The following DPP10 variants were observed in gnomAD, a reference collection of about 807,000 sequenced individuals.
The protein encoded by DPP10 is inactive dipeptidyl peptidase 10.
DPP10 carries 33 observed loss-of-function variants against 120.9 expected under a neutral mutation model. The ratio of observed to expected loss-of-function variants is 0.27; its 90% CI spans 0.21 to 0.37. The LOEUF is 0.37. DPP10 is among the 10% of genes least tolerant of loss of function. The pLI, the probability that DPP10 is intolerant of heterozygous loss-of-function variation, is 1.00. For synonymous variants in DPP10, 337 were observed against 326.1 expected, an observed-to-expected ratio of 1.03 and a Z score of -0.36; for missense variants, 816 against 942.8, an observed-to-expected ratio of 0.87 and a Z score of 1.76.
intron 1 of DPP10, among the ~76,000 whole-genome samples, chr2:115,136,602 TA>T (rs1391212689): frequency 6.6e-6 from 1 of 151,898 alleles, no homozygotes; most frequent in Non-Finnish European, 1.5e-5. Context: ...GCCCAGGGAT[TA>T]AAAGGGGAAA....
chr2:115,241,457 C>A (rs924768248), intron 1 of DPP10, among the ~76,000 whole-genome samples: 3 of 152,148 alleles, frequency 2.0e-5, no homozygotes, highest in Admixed American at 6.5e-5. Flanking sequence ...TTCTCAGATT[C>A]TAATCTGGTA....
At chr2:114,953,650 T>C (rs994394228) in intron 1 of DPP10, among the ~76,000 whole-genome samples, 7 of 152,198 alleles carry the variant, frequency 4.6e-5, no homozygotes, top group African/African-American at 1.4e-4. Context: ...GCATGTCATA[T>C]GTAATTGAAT....
intron 3 of DPP10, among the ~76,000 whole-genome samples, chr2:115,488,624 G>C (rs1280042790): frequency 4.3e-5 from 3 of 70,240 alleles, no homozygotes; most frequent in Non-Finnish European, 8.3e-5. Flanking sequence ...GTAAACTATC[G>C]CAAGAACAAA....
chr2:115,463,577 C>A (rs2074120547), intron 3 of DPP10, among the ~76,000 whole-genome samples: 1 of 152,184 alleles, frequency 6.6e-6, no homozygotes, highest in Non-Finnish European at 1.5e-5. Context: ...TCCTTCACCT[C>A]AAATACACAA....
At chr2:114,695,161 A>G (rs1168967425) in intron 1 of DPP10, among the ~76,000 whole-genome samples, 1 of 152,004 alleles carries the variant, frequency 6.6e-6, no homozygotes, top group African/African-American at 2.4e-5. Flanking sequence ...AGGATCAAAG[A>G]CAAAGAGGGC....
chr2:115,765,050 T>G (rs1680552345), intron 12 of DPP10, among the ~76,000 whole-genome samples: 1 of 152,114 alleles, frequency 6.6e-6, no homozygotes, highest in African/African-American at 2.4e-5. Flanking sequence ...AAACACTGAC[T>G]TGTATAATGT....
At chr2:115,709,021 C>CAAAACCTT (rs2092227358) in intron 7 of DPP10, among the ~76,000 whole-genome samples, 1 of 152,042 alleles carries the variant, frequency 6.6e-6, no homozygotes, top group African/African-American at 2.4e-5. Flanking sequence ...TAAACTCTGA[C>CAAAACCTT]AAAACCTTAA....
chr2:115,542,124 G>C (rs2079207069), intron 5 of DPP10, among the ~76,000 whole-genome samples: 1 of 151,820 alleles, frequency 6.6e-6, no homozygotes, highest in South Asian at 2.1e-4. Flanking sequence ...ATGCCTTTGT[G>C]TGTGATTCTA....
At chr2:115,030,972 G>A (rs533178994) in intron 1 of DPP10, among the ~76,000 whole-genome samples, 1 of 152,286 alleles carries the variant, frequency 6.6e-6, no homozygotes, top group South Asian at 2.1e-4. Flanking sequence ...ATTTTAGGAT[G>A]TAGCCACACA....
intron 1 of DPP10, among the ~76,000 whole-genome samples, chr2:114,590,575 G>A (rs572620886): frequency 2.6e-5 from 4 of 152,270 alleles, no homozygotes; most frequent in Non-Finnish European, 4.4e-5. Context: ...CAGTAATCAA[G>A]TTCTGCTTTG....
chr2:115,332,403 G>A (rs1007693156), intron 2 of DPP10, among the ~76,000 whole-genome samples: 6 of 151,984 alleles, frequency 3.9e-5, no homozygotes, highest in African/African-American at 1.2e-4. Context: ...TTTTTGAAGG[G>A]TTTTTTATAT....
At chr2:114,693,621 G>A (rs1699898965) in intron 1 of DPP10, among the ~76,000 whole-genome samples, 1 of 151,854 alleles carries the variant, frequency 6.6e-6, no homozygotes, top group Admixed American at 6.6e-5. Context: ...TTAAATGTTG[G>A]CCTGTCTTGC....
intron 1 of DPP10, among the ~76,000 whole-genome samples, chr2:114,816,478 C>A (rs1244628411): frequency 6.6e-6 from 1 of 152,190 alleles, no homozygotes; most frequent in Non-Finnish European, 1.5e-5. Flanking sequence ...TTCATAATGG[C>A]TTTTCTGATC....
At chr2:115,415,839 T>TA (rs1553592773) in intron 3 of DPP10, among the ~76,000 whole-genome samples, 14 of 43,528 alleles carry the variant, frequency 3.2e-4, no homozygotes, top group Admixed American at 2.6e-3. Context: ...CCTGATTTGC[T>TA]TTTATATATA....
intron 2 of DPP10, among the ~76,000 whole-genome samples, chr2:115,340,519 AT>A (rs1305912267): frequency 1.3e-5 from 2 of 151,936 alleles, no homozygotes; most frequent in African/African-American, 2.4e-5. Flanking sequence ...TTTTAATAAA[AT>A]TTCTATTTGA....
intron 1 of DPP10, among the ~76,000 whole-genome samples, chr2:115,088,736 G>A (rs2104543055): frequency 1.2e-5 from 1 of 86,516 alleles, no homozygotes; most frequent in East Asian, 3.6e-4. Context: ...ACAGCTGTGA[G>A]CCACTGTGCC....
chr2:114,711,283 A>G (rs1701012435), intron 1 of DPP10, among the ~76,000 whole-genome samples: 1 of 152,212 alleles, frequency 6.6e-6, no homozygotes, highest in Non-Finnish European at 1.5e-5. Context: ...TAGATATAAT[A>G]CATACTTCCA....
intron 1 of DPP10, among the ~76,000 whole-genome samples, chr2:114,532,280 TATATATATATATATATAC>T (rs1252762895): frequency 6.1e-5 from 3 of 49,462 alleles, no homozygotes; most frequent in Admixed American, 2.1e-4. Context: ...TATATATATA[TATATATATATATATATAC>T]ACACACACAC....
intron 1 of DPP10, among the ~76,000 whole-genome samples, chr2:114,936,410 T>C (rs527463327): frequency 5.2e-4 from 79 of 151,836 alleles, no homozygotes; most frequent in Admixed American, 1.5e-3. Flanking sequence ...TACACATATA[T>C]ACATATATAT....
Sources: allele counts gnomAD v4.1 joint callset (sites outside exome capture counted in the v4.1 genomes callset), GRCh38; gene constraint gnomAD v4.1.1; transcripts MANE v1.5; gene names NCBI Gene and HGNC (gene_info 2026-07-23, HGNC 2026-07-21).